Variants in DAZAP1 observed in about 807,000 individuals in gnomAD.
DAZAP1 encodes DAZ-associated protein 1.
A neutral mutation model predicts 60.1 loss-of-function variants in DAZAP1; 6 were observed. The observed-to-expected ratio is 0.10, with a 90% confidence interval of 0.05 to 0.20. The LOEUF is 0.20. Among genes scored for constraint, DAZAP1 ranks in the 10% least tolerant of loss-of-function variants. The probability of loss-of-function intolerance (pLI) is 1.00; values close to 1 mark genes in which losing one functional copy is unlikely to be tolerated. For synonymous variants in DAZAP1, 235 were observed against 215.9 expected, an observed-to-expected ratio of 1.09 and a Z score of -0.78; for missense variants, 366 against 560.4, an observed-to-expected ratio of 0.65 and a Z score of 3.50.
At position 1,434,757 on chromosome 19, in the gene DAZAP1, A is replaced by C. The variant is rs757115270; in HGVS notation, c.1069A>C (p.Ser357Arg). The change falls in exon 12 of 12, where the codon AGT (serine) becomes CGT (arginine). Residue 357 changes from serine to arginine, a missense_variant. Around this residue, in one of 3 missense-constraint regions of DAZAP1, gnomAD observed 240 missense variants for 308.8 expected, o/e 0.78. Transcript: ENST00000233078. The surrounding 1 kb of genome is among the most constrained non-coding windows in gnomAD (Gnocchi z 8.0). ...GQYAGYGQDL[S>R]GFGQGFSDPS... The stretch of plus-strand genomic sequence containing the variant: ...CCCAGCAGGTTACGGGCAGGACTTG[A>C]GTGGCTTCGGACAGGGCTTCTCAGA... 5 of 1,612,574 alleles carry C rather than the reference A, an allele frequency of 3.1e-6. No homozygotes were observed. Among genetic ancestry groups the C allele is most frequent in the Non-Finnish European group, 2.5e-6 (3 of 1,179,384 alleles).
At chr19:1,427,125 G>A (rs2083323971) in intron 7 of DAZAP1, 1 of 152,242 alleles carries the variant, frequency 6.6e-6, no homozygotes, top group Non-Finnish European at 1.5e-5. Context: ...CTGACATCGA[G>A]TGCAGCTTGT....
rs1030593773 is a variant in DAZAP1 at position 1,416,062 on chromosome 19, C to G, written c.30-1438C>G. 1 of 152,294 alleles carries G rather than the reference C, an allele frequency of 6.6e-6. No individual in the cohort carries two copies. Among genetic ancestry groups the G allele is most frequent in the East Asian group, 1.9e-4 (1 of 5,184 alleles). The allele number at this position is 152,294 out of a possible 1,614,324, so 9.4% of individuals were successfully genotyped here. A position where few individuals can be genotyped will look rare whatever the true frequency, so the allele number is the denominator to read the frequency against. On this transcript the variant is annotated intron_variant, in intron 1 of 11. Coordinates refer to ENST00000233078, the MANE Select transcript of DAZAP1 (RefSeq NM_018959.4). This position sits in a 1 kb window ranked among gnomAD's most constrained non-coding sequence, Gnocchi z 4.3. ...GCAGACACTTCACCAGGGGCTGACTCGCGGGGGCTGAGTGTACAGGCCCCA... is the reference window on the plus strand; with the variant it reads ...GCAGACACTTCACCAGGGGCTGACTGGCGGGGGCTGAGTGTACAGGCCCCA...
rs1213916580 is a variant in DAZAP1 at position 1,423,776 on chromosome 19, T to C, written c.463+1380T>C. Among the ~76,000 whole-genome samples the C allele has an allele frequency of 6.6e-6, 1 of 152,256 alleles. No homozygotes were observed. The highest frequency in any genetic ancestry group is 2.4e-5 in the African/African-American group (1 of 41,474). ...GAGCGCGCGGGAATCTGAGGGTTGCTTCTAGATCCTCCCGGTCCCCCTCCG... is the reference window on the plus strand; with the variant it reads ...GAGCGCGCGGGAATCTGAGGGTTGCCTCTAGATCCTCCCGGTCCCCCTCCG... On this transcript the variant is annotated intron_variant, in intron 6 of 11. Coordinates refer to ENST00000233078, the MANE Select transcript of DAZAP1 (RefSeq NM_018959.4). This position sits in a 1 kb window ranked among gnomAD's most constrained non-coding sequence, Gnocchi z 6.8.
At chr19:1,410,270 A>G (rs2082789001) in intron 1 of DAZAP1, among the ~76,000 whole-genome samples, 1 of 152,186 alleles carries the variant, frequency 6.6e-6, no homozygotes, top group Admixed American at 6.5e-5. Context: ...GGGGGGCTTC[A>G]TGCAGGAGGA....
Position 1,407,771 on chromosome 19 carries a change from G to T in DAZAP1, c.-3G>T, listed in dbSNP as rs1036617575. The T allele has an allele frequency of 1.8e-6, 2 of 1,086,754 alleles. No homozygotes were observed. The highest frequency in any genetic ancestry group is 1.7e-5 in the African/African-American group (1 of 58,708). 67.3% of individuals were successfully genotyped at this position (1,086,754 alleles called of 1,614,324 possible). ...AGCGCCGAGCGTCGCCGCCGCCGCCGCCATGAACAACTCGGGCGCCGACGA... is the reference window on the plus strand; with the variant it reads ...AGCGCCGAGCGTCGCCGCCGCCGCCTCCATGAACAACTCGGGCGCCGACGA... On this transcript the variant is annotated 5_prime_UTR_variant, in exon 1 of 12. Coordinates refer to ENST00000233078, the MANE Select transcript of DAZAP1 (RefSeq NM_018959.4).
intron 5 of DAZAP1, among the ~76,000 whole-genome samples, chr19:1,421,809 C>T (rs189743713): frequency 3.9e-5 from 6 of 152,226 alleles, no homozygotes; most frequent in East Asian, 1.9e-4. Flanking sequence ...GACAGCCCTG[C>T]GTGCCTGAGT....
At chr19:1,430,759 A>C (rs535308582) in intron 10 of DAZAP1, among the ~76,000 whole-genome samples, 4 of 146,414 alleles carry the variant, frequency 2.7e-5, no homozygotes, top group Admixed American at 6.9e-5. Context: ...TTCACTCTGT[A>C]GCCCAGGCTG....
Position 1,428,886 on chromosome 19 carries a change from G to C in DAZAP1, c.591G>C (p.Ala197=). 3 of 1,613,058 alleles carry C rather than the reference G, an allele frequency of 1.9e-6. No homozygotes were observed. The African/African-American group carries it at 4.0e-5, about 21-fold the overall frequency. The change falls in exon 8 of 12, where the codon GCG becomes GCC. Residue 197 remains alanine, a synonymous_variant. Coordinates refer to ENST00000233078, the MANE Select transcript of DAZAP1 (RefSeq NM_018959.4). The surrounding 1 kb of genome is among the most constrained non-coding windows in gnomAD (Gnocchi z 4.0). Reference sequence around the variant, plus strand: ...AGCCTCGGGACAGCAAGAGCCAAGCGCCGGGACAGCCAGGTGCCAGCCAGT... The same window carrying C: ...AGCCTCGGGACAGCAAGAGCCAAGCCCCGGGACAGCCAGGTGCCAGCCAGT... The part of the protein sequence containing the change: ...RAEPRDSKSQ[A]PGQPGASQWG...
At chr19:1,411,152 G>A (rs944726718) in intron 1 of DAZAP1, among the ~76,000 whole-genome samples, 4 of 152,236 alleles carry the variant, frequency 2.6e-5, no homozygotes, top group African/African-American at 7.2e-5. Flanking sequence ...GTTGCAGTGC[G>A]GGGAGTGATA....
Position 1,423,146 on chromosome 19 carries a change from C to T in DAZAP1, c.463+750C>T, listed in dbSNP as rs1179754336. On this transcript the variant is annotated intron_variant, in intron 6 of 11. Coordinates refer to ENST00000233078, the MANE Select transcript of DAZAP1 (RefSeq NM_018959.4). This position sits in a 1 kb window ranked among gnomAD's most constrained non-coding sequence, Gnocchi z 6.8. ...CACGTCCGTGCCGCCCCCGCACCAC[C>T]GGCCCAGGTCAGTCGGGGCAGCCCC... Among the ~76,000 whole-genome samples, 4 of 152,240 alleles carry T rather than the reference C, an allele frequency of 2.6e-5. No homozygotes were observed. The highest frequency in any genetic ancestry group is 5.9e-5 in the Non-Finnish European group (4 of 68,048).
Position 1,428,496 on chromosome 19 carries a change from A to T in DAZAP1, c.547-346A>T. On this transcript the variant is annotated intron_variant, in intron 7 of 11. Transcript: ENST00000233078. This position sits in a 1 kb window ranked among gnomAD's most constrained non-coding sequence, Gnocchi z 4.0. ...GGTCCCTTTTTGTCCCCATGTTTTC[A>T]AGAGGAAGGAGGACGCTGCCATTTT... 1 of 215,716 alleles carries T rather than the reference A, an allele frequency of 4.6e-6. No individual in the cohort carries two copies. The highest frequency in any genetic ancestry group is 1.3e-4 in the East Asian group (1 of 7,616). 13.4% of individuals were successfully genotyped at this position (215,716 alleles called of 1,614,324 possible). A position where few individuals can be genotyped will look rare whatever the true frequency, so the allele number is the denominator to read the frequency against.
chr19:1,413,047 C>A (rs1295744903), intron 1 of DAZAP1, among the ~76,000 whole-genome samples: 1 of 152,226 alleles, frequency 6.6e-6, no homozygotes, highest in African/African-American at 2.4e-5. Context: ...CAGCGGGCCC[C>A]TCAGAGGCAG....
At position 1,430,268 on chromosome 19, in the gene DAZAP1, C is replaced by A; in HGVS notation, c.777C>A (p.Pro259=). The stretch of plus-strand genomic sequence containing the variant: ...CAGGAAGAGGAGCCCCCCCGCCACC[C>A]CCACCGTTCACCTCCTACATCGTGT... ...PPAGRGAPPP[P]PPFTSYIVST... is the part of the protein sequence containing the mutation. Residue 259 remains proline (P), a synonymous_variant, in exon 10 of 12, where the codon CCC becomes CCA. Transcript: ENST00000233078. 7.4e-7 allele frequency: 1 copy of A among 1,345,878 alleles called. No homozygotes were observed. The allele number at this position is 1,345,878 out of a possible 1,614,324, so 83.4% of individuals were successfully genotyped here.
At chr19:1,430,641 A>G (rs1359627434) in intron 10 of DAZAP1, among the ~76,000 whole-genome samples, 2 of 151,714 alleles carry the variant, frequency 1.3e-5, no homozygotes, top group Non-Finnish European at 2.9e-5. Context: ...GCTCCTCAGG[A>G]GACAGAGCCT....
chr19:1,414,381 G>A (rs181206411), intron 1 of DAZAP1, among the ~76,000 whole-genome samples: 19 of 152,280 alleles, frequency 1.2e-4, no homozygotes, highest in Admixed American at 9.2e-4. Flanking sequence ...TCCCCTTTAT[G>A]TGTACACTGA....
chr19:1,414,416 A>G (rs2082915055), intron 1 of DAZAP1, among the ~76,000 whole-genome samples: 1 of 152,184 alleles, frequency 6.6e-6, no homozygotes, highest in African/African-American at 2.4e-5. Context: ...CCCAAGAACA[A>G]TGACATTCTC....
At chr19:1,410,472 C>T (rs542097467) in intron 1 of DAZAP1, among the ~76,000 whole-genome samples, 12 of 152,296 alleles carry the variant, frequency 7.9e-5, no homozygotes, top group African/African-American at 1.9e-4. Context: ...CAGCAGGTGG[C>T]CTGGAGCGCT....
chr19:1,414,321 CTG>C, intron 1 of DAZAP1, among the ~76,000 whole-genome samples: 1 of 152,282 alleles, frequency 6.6e-6, no homozygotes, highest in Middle Eastern at 3.4e-3. Flanking sequence ...CCCATCCCCA[CTG>C]TGTGTGTTTC....
Position 1,418,479 on chromosome 19 carries a change from G to C in DAZAP1, c.237+109G>C. The C allele has an allele frequency of 6.8e-7, 1 of 1,469,822 alleles. No homozygotes were observed. Among genetic ancestry groups the C allele is most frequent in the Non-Finnish European group, 9.4e-7 (1 of 1,062,134 alleles). The allele number at this position is 1,469,822 out of a possible 1,614,324, so 91.0% of individuals were successfully genotyped here. On this transcript the variant is annotated intron_variant, in intron 3 of 11. Transcript: ENST00000233078. This position sits in a 1 kb window ranked among gnomAD's most constrained non-coding sequence, Gnocchi z 5.7. ...TGTTTGCGTTAGAGTATGTTTGAAC[G>C]TGGGGTCGATTGGGAAGGATTAAGC...
Sources: allele counts gnomAD v4.1 joint callset (sites outside exome capture counted in the v4.1 genomes callset), GRCh38; gene constraint gnomAD v4.1.1; regional missense constraint gnomAD v4.1.1; non-coding constraint Gnocchi (gnomAD v3.1); transcripts MANE v1.5; gene names NCBI Gene and HGNC (gene_info 2026-07-23, HGNC 2026-07-21).